The following CELSR1 variants were observed in gnomAD, a reference collection of about 807,000 sequenced individuals.
CELSR1 encodes the protein adhesion G protein-coupled receptor C1.
In CELSR1, 110 loss-of-function variants were observed where a neutral mutation model predicts 249.1. That is an observed-to-expected ratio of 0.44 (90% CI 0.38 to 0.52). The LOEUF is 0.52. CELSR1 is among the 20% of genes least tolerant of loss of function. The pLI is 0.00. For synonymous variants in CELSR1, 2,113 were observed against 1,900.0 expected (o/e 1.11, Z -2.92); for missense variants, 4,109 against 4,296.4 (o/e 0.96, Z 1.22).
In CELSR1 at chr22:46,494,525, T is replaced by C. The variant is rs559782859; in HGVS notation, c.3545-30180A>G. On this transcript the variant is annotated intron_variant, in intron 1 of 34. Transcript: ENST00000674500. ...TCTTAATTTATTTTATTTTATTTTT[T>C]TGAGATGTAGTCTCATTCTGTTGCC... 2.3e-4 allele frequency among the ~76,000 whole-genome samples: 35 copies of C among 152,330 alleles called. No homozygotes were observed. In the South Asian group the frequency reaches 7.3e-3, roughly 32 times the overall value.
intron 2 of CELSR1, among the ~76,000 whole-genome samples, chr22:46,451,509 C>A (rs1228297969): frequency 6.6e-6 from 1 of 152,222 alleles, no homozygotes; most frequent in East Asian, 1.9e-4. Context: ...GGAAACCCTG[C>A]CGAACCTGAA....
At position 46,369,242 on chromosome 22, in the gene CELSR1, G is replaced by A; in HGVS notation, c.7889C>T (p.Ser2630Phe). 6.2e-7 allele frequency: 1 copy of A among 1,613,920 alleles called. No homozygotes were observed. The highest frequency in any genetic ancestry group is 8.5e-7 in the Non-Finnish European group (1 of 1,179,932). The change falls in exon 27 of 35, where the codon TCT becomes TTT. Residue 2630 changes from serine (S) to phenylalanine (F), a missense_variant. This residue lies in a region of CELSR1 where 1,805 missense variants were observed against 1,831.6 expected (regional missense o/e 0.99). Transcript: ENST00000674500. ...GAVIIINTVT[S>F]VLSAKVSCQR... The stretch of plus-strand genomic sequence containing the variant: ...GCAGGAAACCTTTGCAGATAGGACA[G>A]AAGTGACTGTGTTGATCTGAAAACA...
chr22:46,451,511 G>A (rs971511931), intron 2 of CELSR1, among the ~76,000 whole-genome samples: 15 of 152,334 alleles, frequency 9.8e-5, no homozygotes, highest in East Asian at 1.9e-4. Flanking sequence ...AAACCCTGCC[G>A]AACCTGAAGG....
intron 1 of CELSR1, among the ~76,000 whole-genome samples, chr22:46,474,433 C>G (rs13054234): frequency 0.088 from 13,406 of 152,206 alleles, 710 homozygotes; most frequent in Admixed American, 0.13. Context: ...TAGCCTCAGA[C>G]AAGCACCCCC....
In CELSR1 at chr22:46,410,778, G is replaced by C. The variant is rs1296171727; in HGVS notation, c.4770-217C>G. Among the ~76,000 whole-genome samples the C allele has an allele frequency of 1.2e-4, 18 of 151,986 alleles. No homozygotes were observed. Among genetic ancestry groups the C allele is most frequent in the Non-Finnish European group, 4.4e-5 (3 of 68,006 alleles). On this transcript the variant is annotated intron_variant, in intron 6 of 34. Coordinates refer to ENST00000674500, the MANE Select transcript of CELSR1 (RefSeq NM_001378328.1). The surrounding 1 kb of genome is among the most constrained non-coding windows in gnomAD (Gnocchi z 6.8). ...CTTGTGTTCAGTCCTGACGATCTGG[G>C]TGTTTCACGCTCACCAGTGACCACC...
chr22:46,530,270 T>TAC lies in CELSR1; in HGVS notation c.3544+3355_3544+3356dup, dbSNP rs557384645. On this transcript the variant is annotated intron_variant, in intron 1 of 34. Coordinates refer to ENST00000674500, the MANE Select transcript of CELSR1 (RefSeq NM_001378328.1). ...GGCAAGAGAGCAAGACCCTGTCTCA[T>TAC]ACACACACACACACATATATATATA... The TAC allele has an allele frequency of 8.7e-3, 1,323 of 151,242 alleles. 9 individuals carry two copies. Among genetic ancestry groups the TAC allele is most frequent in the Non-Finnish European group, 0.012 (844 of 67,698 alleles). 9.4% of individuals were successfully genotyped at this position (151,242 alleles called of 1,614,324 possible). A position where few individuals can be genotyped will look rare whatever the true frequency, so the allele number is the denominator to read the frequency against.
rs1366530843 is a variant in CELSR1 at position 46,537,021 on chromosome 22, G to C, written c.150C>G (p.Tyr50Ter). Residue 50 changes from tyrosine to a stop codon, truncating the protein, a stop_gained, in exon 1 of 35, where the codon TAC becomes TAG. Coordinates refer to ENST00000674500, the MANE Select transcript of CELSR1 (RefSeq NM_001378328.1). LOFTEE classifies it high-confidence loss of function. The surrounding 1 kb of genome is among the most constrained non-coding windows in gnomAD (Gnocchi z 5.8). ...GGGGCGTGCAAGCGGCGCCCACCGC[G>C]TAGGTACAGCCGGGCCGGAGGGCGA... Reference protein sequence around the residue: ...RAFALRPGCTYAVGAACTPRA... With the variant: ...RAFALRPGCT 1 of 1,107,570 alleles carries C rather than the reference G, an allele frequency of 9.0e-7. No homozygotes were observed. The highest frequency in any genetic ancestry group is 1.7e-5 in the African/African-American group (1 of 59,788). 68.6% of individuals were successfully genotyped at this position (1,107,570 alleles called of 1,614,324 possible).
intron 1 of CELSR1, among the ~76,000 whole-genome samples, chr22:46,529,671 C>T (rs977724667): frequency 3.3e-5 from 5 of 151,734 alleles, no homozygotes; most frequent in South Asian, 2.1e-4. Flanking sequence ...GGTGTGGTGG[C>T]GTGCACCTGT....
chr22:46,462,106 C>G (rs2147577048), intron 2 of CELSR1, among the ~76,000 whole-genome samples: 1 of 152,332 alleles, frequency 6.6e-6, no homozygotes, highest in East Asian at 1.9e-4. Context: ...CCCGCCGCCT[C>G]TGCCTGCCTG....
Position 46,439,162 on chromosome 22 carries a change from G to A in CELSR1, c.4406+27C>T, listed in dbSNP as rs372020547. The stretch of plus-strand genomic sequence containing the variant: ...TCGCCCCTTTCCTAAAGAGACCCCC[G>A]TGTGGCGCGGCGGGACGCACACTCA... On this transcript the variant is annotated intron_variant, in intron 3 of 34. Coordinates refer to ENST00000674500, the MANE Select transcript of CELSR1 (RefSeq NM_001378328.1). The A allele has an allele frequency of 3.1e-5, 50 of 1,595,082 alleles. No individual in the cohort carries two copies. The East Asian group carries it at 5.4e-4, about 17-fold the overall frequency.
rs556085865 is a variant in CELSR1, at chr22:46,406,600, C to T, written c.5226+2396G>A. 3.9e-5 allele frequency among the ~76,000 whole-genome samples: 6 copies of T among 152,364 alleles called. No homozygotes were observed. Among genetic ancestry groups the T allele is most frequent in the Admixed American group, 6.5e-5 (1 of 15,310 alleles). ...GGGGAGGGCATGTGCTGGGCAGTCC[C>T]TCTGTCCACCCGCCAACCCTCATGC... On this transcript the variant is annotated intron_variant, in intron 9 of 34. Coordinates refer to ENST00000674500, the MANE Select transcript of CELSR1 (RefSeq NM_001378328.1). This position sits in a 1 kb window ranked among gnomAD's most constrained non-coding sequence, Gnocchi z 5.4.
In CELSR1 at chr22:46,411,085, G is replaced by A. The variant is rs2079328888; in HGVS notation, c.4769+517C>T. Among the ~76,000 whole-genome samples the A allele has an allele frequency of 6.6e-6, 1 of 152,190 alleles. No homozygotes were observed. Among genetic ancestry groups the A allele is most frequent in the South Asian group, 2.1e-4 (1 of 4,822 alleles). ...GTGGTGGTGCATGCCTGTAGTCCCA[G>A]CTACTCGGGAGGCTGTGGCAGGAGG... On this transcript the variant is annotated intron_variant, in intron 6 of 34. Coordinates refer to ENST00000674500, the MANE Select transcript of CELSR1 (RefSeq NM_001378328.1). This position sits in a 1 kb window ranked among gnomAD's most constrained non-coding sequence, Gnocchi z 4.2.
At chr22:46,481,050 C>G (rs1483766383) in intron 1 of CELSR1, among the ~76,000 whole-genome samples, 6 of 152,126 alleles carry the variant, frequency 3.9e-5, no homozygotes, top group African/African-American at 1.4e-4. Context: ...GTCTGACCAA[C>G]ATGGTGAAAC....
intron 5 of CELSR1, among the ~76,000 whole-genome samples, chr22:46,414,993 C>T (rs953274871): frequency 1.3e-5 from 2 of 152,086 alleles, no homozygotes; most frequent in Admixed American, 6.6e-5. Flanking sequence ...CGGAACACAT[C>T]GCGCTCAGTG....
Position 46,364,730 on chromosome 22 carries a change from G to A in CELSR1, c.8561C>T (p.Ala2854Val). The A allele has an allele frequency of 6.2e-7, 1 of 1,611,770 alleles. No individual in the cohort carries two copies. The change falls in exon 33 of 35, where the codon GCT (alanine) becomes GTT (valine). Residue 2854 changes from alanine to valine, a missense_variant. By Grantham distance (64) the Ala-to-Val change is moderately conservative (BLOSUM62 0). Coordinates refer to ENST00000674500, the MANE Select transcript of CELSR1 (RefSeq NM_001378328.1). ...GCCGGCCGGAACGTGGTTGGCCACA[G>A]CGTCCCCTGAGGCACGAGAGCGGTG... ...GAVHSTPKGD[A>V]VANHVPAGWP... is the part of the protein sequence containing the mutation.
chr22:46,409,779 A>G lies in CELSR1; in HGVS notation c.5035T>C (p.Phe1679Leu), dbSNP rs761883150. 8.1e-6 allele frequency: 13 copies of G among 1,613,794 alleles called. No individual in the cohort carries two copies. Among genetic ancestry groups the G allele is most frequent in the South Asian group, 4.4e-5 (4 of 91,082 alleles). Residue 1679 changes from phenylalanine to leucine, a missense_variant, in exon 8 of 35, where the codon TTC (phenylalanine) becomes CTC (leucine). Phe to Leu is a conservative substitution (Grantham distance 22). Around this residue, in one of 7 missense-constraint regions of CELSR1, gnomAD observed 453 missense variants for 492.0 expected, o/e 0.92. Coordinates refer to ENST00000674500, the MANE Select transcript of CELSR1 (RefSeq NM_001378328.1). The surrounding 1 kb of genome is among the most constrained non-coding windows in gnomAD (Gnocchi z 9.8). ...NMYLCECPLR[F>L]GGKNCEQAMP... ...CCTTGCTCACAGTTCTTCCCGCCGA[A>G]TCGGAGTGGACACTCACACAGATAC...
At chr22:46,405,855 T>G (rs1168659618) in intron 9 of CELSR1, among the ~76,000 whole-genome samples, 1 of 152,096 alleles carries the variant, frequency 6.6e-6, no homozygotes, top group Non-Finnish European at 1.5e-5. Flanking sequence ...AAGCTGATAA[T>G]GGCAAGGAGA....
In CELSR1 at chr22:46,500,659, G is replaced by C. The variant is rs1204857092; in HGVS notation, c.3544+32968C>G. On this transcript the variant is annotated intron_variant, in intron 1 of 34. Coordinates refer to ENST00000674500, the MANE Select transcript of CELSR1 (RefSeq NM_001378328.1). This position sits in a 1 kb window ranked among gnomAD's most constrained non-coding sequence, Gnocchi z 4.9. Reference sequence around the variant, plus strand: ...GGAGTTTACAACAATGACTCTGCAGGCCTTTTGTCAGATGCCATTTTTCTT... The same window carrying C: ...GGAGTTTACAACAATGACTCTGCAGCCCTTTTGTCAGATGCCATTTTTCTT... 6.6e-6 allele frequency among the ~76,000 whole-genome samples: 1 copy of C among 152,186 alleles called. No homozygotes were observed. The highest frequency in any genetic ancestry group is 2.4e-5 in the African/African-American group (1 of 41,448).
At chr22:46,507,619 C>T (rs1293081384) in intron 1 of CELSR1, among the ~76,000 whole-genome samples, 2 of 152,198 alleles carry the variant, frequency 1.3e-5, no homozygotes, top group South Asian at 2.1e-4. Flanking sequence ...GCAGGGGCCC[C>T]GCTGTGACCC....
Sources: allele counts gnomAD v4.1 joint callset (sites outside exome capture counted in the v4.1 genomes callset), GRCh38; gene constraint gnomAD v4.1.1; regional missense constraint gnomAD v4.1.1; non-coding constraint Gnocchi (gnomAD v3.1); transcripts MANE v1.5; gene names NCBI Gene and HGNC (gene_info 2026-07-23, HGNC 2026-07-21).